Variants in DGKD observed in about 807,000 individuals in gnomAD.
The protein encoded by DGKD is diacylglycerol kinase delta.
DGKD carries 68 observed loss-of-function variants against 154.4 expected under a neutral mutation model. The observed-to-expected ratio is 0.44, with a 90% CI of 0.36 to 0.54. The LOEUF (loss-of-function observed/expected upper bound fraction) is 0.54, where lower values mean the gene tolerates loss of function less well. Among genes scored for constraint, DGKD ranks in the 20% least tolerant of loss-of-function variants. DGKD has a pLI of 0.00. For synonymous variants in DGKD, 693 were observed against 638.0 expected (o/e 1.09, Z -1.30); for missense variants, 1,343 against 1,593.6 (o/e 0.84, Z 2.68).
chr2:233,393,172 C>T (rs1403303710), intron 3 of DGKD, among the ~76,000 whole-genome samples: 6 of 151,294 alleles, frequency 4.0e-5, no homozygotes, highest in African/African-American at 1.5e-4. Context: ...TTGCAGGCAC[C>T]TGCCACCACG....
Position 233,467,075 on chromosome 2 carries a change from C to T in DGKD, c.3307-11C>T. ...AGCCTGATTCTCAGTATTCCTCATT[C>T]TCCCCAACAGAGTGTGATGCTGGAT... On this transcript the variant is annotated splice_polypyrimidine_tract_variant and intron_variant, in intron 27 of 29. Coordinates refer to ENST00000264057, the MANE Select transcript of DGKD (RefSeq NM_152879.3). 6.2e-7 allele frequency: 1 copy of T among 1,603,804 alleles called. No homozygotes were observed.
chr2:233,359,376 A>T (rs1307362774), intron 1 of DGKD, among the ~76,000 whole-genome samples: 5 of 152,236 alleles, frequency 3.3e-5, no homozygotes, highest in African/African-American at 1.2e-4. Context: ...TAAAATAGGA[A>T]TGGGGATGTT....
chr2:233,380,182 ACTT>A (rs1316845778), intron 1 of DGKD, among the ~76,000 whole-genome samples: 4 of 152,232 alleles, frequency 2.6e-5, no homozygotes, highest in Non-Finnish European at 5.9e-5. Flanking sequence ...AGCACCTGCT[ACTT>A]CTTTTAGATT....
In DGKD at chr2:233,459,669, A is replaced by G. The variant is rs1370226988; in HGVS notation, c.2695-88A>G. 237 of 1,526,240 alleles carry G rather than the reference A, an allele frequency of 1.6e-4. 2 individuals carry two copies. The East Asian group carries it at 5.3e-3, about 34-fold the overall frequency. 94.5% of individuals were successfully genotyped at this position (1,526,240 alleles called of 1,614,324 possible). ...CTGCAAGGCAGGGACGGGTGTGTGG[A>G]GCAGGAAGGTCATGGTGGTGCTGAT... On this transcript the variant is annotated intron_variant, in intron 22 of 29. Coordinates refer to ENST00000264057, the MANE Select transcript of DGKD (RefSeq NM_152879.3). This position sits in a 1 kb window ranked among gnomAD's most constrained non-coding sequence, Gnocchi z 5.7.
intron 3 of DGKD, among the ~76,000 whole-genome samples, chr2:233,395,718 G>A (rs1451254307): frequency 6.7e-6 from 1 of 148,650 alleles, no homozygotes; most frequent in Non-Finnish European, 1.5e-5. Flanking sequence ...GCCCGGGCTG[G>A]AGTGCAGTGG....
At chr2:233,469,194 G>A (rs182242057) in intron 29 of DGKD, among the ~76,000 whole-genome samples, 177 bp from the exon 30 acceptor site, 112 of 152,366 alleles carry the variant, frequency 7.4e-4, no homozygotes, top group Non-Finnish European at 1.3e-3. Context: ...AATGGGCCAG[G>A]CATCTGTATG....
At chr2:233,427,879 C>T (rs992802930) in intron 3 of DGKD, among the ~76,000 whole-genome samples, 1 of 152,190 alleles carries the variant, frequency 6.6e-6, no homozygotes, top group Non-Finnish European at 1.5e-5. Flanking sequence ...TTCCTTAGAG[C>T]ATCTCCCTGC....
At chr2:233,416,331 A>G (rs143066418) in intron 3 of DGKD, among the ~76,000 whole-genome samples, 8 of 152,296 alleles carry the variant, frequency 5.3e-5, no homozygotes, top group African/African-American at 1.9e-4. Context: ...GCTTGAATCA[A>G]TTCATTTGAA....
chr2:233,438,741 ATCTG>A lies in DGKD; in HGVS notation c.1085+366_1085+369del, dbSNP rs1250261802. 3.0e-4 allele frequency among the ~76,000 whole-genome samples: 26 copies of A among 88,028 alleles called. 1 individual carries two copies. The highest frequency in any genetic ancestry group is 1.1e-3 in the East Asian group (5 of 4,384). The allele number at this position is 88,028 out of a possible 152,430, so 57.7% of individuals were successfully genotyped here. On this transcript the variant is annotated intron_variant, in intron 9 of 29. Transcript: ENST00000264057. The surrounding 1 kb of genome is among the most constrained non-coding windows in gnomAD (Gnocchi z 4.1). ...TCTTTCATTTTATAATTTTTTATTT[ATCTG>A]TCTATCTATCATCTATCTATCTATC... is the stretch of plus-strand genomic sequence containing the variant.
chr2:233,375,004 A>G (rs911211335), intron 1 of DGKD, among the ~76,000 whole-genome samples: 2 of 152,162 alleles, frequency 1.3e-5, no homozygotes, highest in African/African-American at 2.4e-5. Flanking sequence ...TTGAAAACAG[A>G]TGGAGCCGGG....
At chr2:233,419,656 C>T (rs71421697) in intron 3 of DGKD, among the ~76,000 whole-genome samples, 12,889 of 152,184 alleles carry the variant, frequency 0.085, 834 homozygotes, top group South Asian at 0.32. Flanking sequence ...CCTGGCCAGA[C>T]AGAAAGCTGC....
At position 233,448,148 on chromosome 2, in the gene DGKD, C is replaced by G. The variant is rs759927399; in HGVS notation, c.1481C>G (p.Ser494Trp). The change falls in exon 13 of 30, where the codon TCG becomes TGG. Residue 494 changes from serine (S) to tryptophan (W), a missense_variant. Around this residue, in one of 6 missense-constraint regions of DGKD, gnomAD observed 409 missense variants for 446.0 expected, o/e 0.92. Transcript: ENST00000264057. ...GCCCACCTTTCTAAAATCCTCACCT[C>G]GGACCAGCACTCGGTGGTCATCTCC... ...VAAHLSKILT[S>W]DQHSVVISSA... 5.6e-6 allele frequency: 9 copies of G among 1,614,114 alleles called. No homozygotes were observed. The highest frequency in any genetic ancestry group is 4.2e-6 in the Non-Finnish European group (5 of 1,180,024).
chr2:233,432,853 C>T (rs1047727496), intron 3 of DGKD, among the ~76,000 whole-genome samples: 1 of 152,150 alleles, frequency 6.6e-6, no homozygotes, highest in African/African-American at 2.4e-5. Flanking sequence ...TGCTCAATAT[C>T]ATTGATCATC....
At chr2:233,396,571 A>G (rs571359725) in intron 3 of DGKD, among the ~76,000 whole-genome samples, 1 of 152,280 alleles carries the variant, frequency 6.6e-6, no homozygotes, top group South Asian at 2.1e-4. Context: ...AGAGCAGTAC[A>G]TGGTGCCTGA....
intron 3 of DGKD, among the ~76,000 whole-genome samples, chr2:233,409,787 GTTTTTTTT>G (rs3075533): frequency 1.6e-5 from 1 of 60,892 alleles, no homozygotes; most frequent in African/African-American, 7.4e-5. Flanking sequence ...CCCCCATACC[GTTTTTTTT>G]TTTTTTTTTT....
rs1345260651 is a variant in DGKD, at chr2:233,434,809, A to G, written c.494A>G (p.Asn165Ser). ...YSMDHFSGMH[N>S]WYACSHARPT... ...ATGGACCACTTCTCAGGGATGCACA[A>G]TTGGTACGCCTGTTCCCACGCGAGG... is the stretch of plus-strand genomic sequence containing the variant. Residue 165 changes from asparagine (N) to serine (S), a missense_variant, in exon 5 of 30, where the codon AAT (asparagine) becomes AGT (serine). Asn to Ser is a conservative substitution (Grantham distance 46). Transcript: ENST00000264057. 8.7e-6 allele frequency: 14 copies of G among 1,614,072 alleles called. No individual in the cohort carries two copies. The highest frequency in any genetic ancestry group is 1.2e-5 in the Non-Finnish European group (14 of 1,180,042).
chr2:233,442,599 G>A (rs1302260659), intron 10 of DGKD: 1 of 170,616 alleles, frequency 5.9e-6, no homozygotes, highest in Non-Finnish European at 1.3e-5. Context: ...TGCTTTTGTT[G>A]TTGTTGTTTT....
At chr2:233,356,184 CCTT>C (rs561421532) in intron 1 of DGKD, among the ~76,000 whole-genome samples, 4 of 152,202 alleles carry the variant, frequency 2.6e-5, no homozygotes, top group African/African-American at 2.4e-5. Flanking sequence ...TAAGAAATGG[CCTT>C]CTACATATTT....
intron 3 of DGKD, among the ~76,000 whole-genome samples, chr2:233,415,685 G>A (rs962515392): frequency 1.2e-4 from 18 of 152,326 alleles, no homozygotes; most frequent in African/African-American, 4.1e-4. Flanking sequence ...GTGCAATGGC[G>A]TGATCAAGGT....
Sources: allele counts gnomAD v4.1 joint callset (sites outside exome capture counted in the v4.1 genomes callset), GRCh38; gene constraint gnomAD v4.1.1; regional missense constraint gnomAD v4.1.1; non-coding constraint Gnocchi (gnomAD v3.1); transcripts MANE v1.5; gene names NCBI Gene and HGNC (gene_info 2026-07-23, HGNC 2026-07-21).